PRDM10: variants seen among roughly 807,000 people sequenced by gnomAD.
PRDM10 encodes PR domain zinc finger protein 10.
Under a neutral mutation model 133.1 loss-of-function variants are expected in PRDM10, and 65 were observed. The ratio of observed to expected loss-of-function variants is 0.49; its 90% confidence interval spans 0.40 to 0.60. The LOEUF is 0.60. Among genes scored for constraint, PRDM10 ranks in the 20% least tolerant of loss-of-function variants. The probability of loss-of-function intolerance (pLI) is 0.00; values close to 1 mark genes in which losing one functional copy is unlikely to be tolerated. For missense variants in PRDM10, 1,137 were observed against 1,507.1 expected (o/e 0.75, Z 4.07); for synonymous variants, 582 against 580.4 (o/e 1.00, Z -0.04).
intron 2 of PRDM10, among the ~76,000 whole-genome samples, chr11:129,959,925 C>CTTTTTTTTTTT (rs112833018): frequency 7.2e-6 from 1 of 138,324 alleles, no homozygotes; most frequent in South Asian, 2.3e-4. Flanking sequence ...GCTAATTTTT[C>CTTTTTTTTTTT]TTTTTTTTTT....
rs144246631 is a variant in PRDM10, at chr11:129,996,337, C to T, written c.-119+6385G>A. 6.0e-3 allele frequency among the ~76,000 whole-genome samples: 916 copies of T among 152,264 alleles called. 14 individuals carry two copies. Among genetic ancestry groups the T allele is most frequent in the African/African-American group, 0.021 (854 of 41,560 alleles). On this transcript the variant is annotated intron_variant, in intron 1 of 20. Transcript: ENST00000360871. ...GTACAGGGGATGGCGAGCCACAGCC[C>T]GCAGGCGGCAGACACCTGTTTTTGT...
intron 20 of PRDM10, among the ~76,000 whole-genome samples, chr11:129,903,572 A>G (rs1479046020): frequency 6.6e-6 from 1 of 152,186 alleles, no homozygotes; most frequent in African/African-American, 2.4e-5. Flanking sequence ...ATTTTGTTAC[A>G]TTAACATTTT....
At chr11:129,970,646 G>A (rs1952000631) in intron 1 of PRDM10, among the ~76,000 whole-genome samples, 1 of 151,846 alleles carries the variant, frequency 6.6e-6, no homozygotes, top group Non-Finnish European at 1.5e-5. Flanking sequence ...TTGGGTTTAG[G>A]GGACTCTCCT....
At chr11:129,973,808 G>A (rs944949318) in intron 1 of PRDM10, among the ~76,000 whole-genome samples, 3 of 152,326 alleles carry the variant, frequency 2.0e-5, no homozygotes, top group Non-Finnish European at 2.9e-5. Flanking sequence ...CATCGATGAA[G>A]ACTCTTATGT....
Position 129,947,424 on chromosome 11 carries a change from TC to T in PRDM10, c.295-55del, listed in dbSNP as rs1308551944. On this transcript the variant is annotated intron_variant, in intron 4 of 20. Transcript: ENST00000360871. This position sits in a 1 kb window ranked among gnomAD's most constrained non-coding sequence, Gnocchi z 4.6. ...GCAGACATGGACACCTGCTTTTGGTTCGCTGGTGCCTGCTGGCACAAACAGG... is the reference window on the plus strand; with the variant it reads ...GCAGACATGGACACCTGCTTTTGGTTGCTGGTGCCTGCTGGCACAAACAGG... 1 of 1,605,550 alleles carries T rather than the reference TC, an allele frequency of 6.2e-7. No homozygotes were observed. The highest frequency in any genetic ancestry group is 8.5e-7 in the Non-Finnish European group (1 of 1,172,990).
intron 1 of PRDM10, among the ~76,000 whole-genome samples, chr11:130,000,872 T>C (rs560629771): frequency 3.9e-4 from 59 of 152,314 alleles, no homozygotes; most frequent in Non-Finnish European, 7.6e-4. Flanking sequence ...TTAGGGATGC[T>C]GCGGCGGTAG....
chr11:129,984,442 T>C (rs1938295297), intron 1 of PRDM10, among the ~76,000 whole-genome samples: 1 of 152,206 alleles, frequency 6.6e-6, no homozygotes, highest in East Asian at 1.9e-4. Flanking sequence ...ACTGAGACTC[T>C]GCAGCACACA....
At chr11:129,963,758 CAAA>C (rs1485728694) in intron 1 of PRDM10, among the ~76,000 whole-genome samples, 2 of 152,152 alleles carry the variant, frequency 1.3e-5, no homozygotes, top group African/African-American at 4.8e-5. Flanking sequence ...GTACTACTAT[CAAA>C]ATGAGGCTGT....
chr11:129,983,854 C>T (rs1031831655), intron 1 of PRDM10, among the ~76,000 whole-genome samples: 3 of 152,108 alleles, frequency 2.0e-5, no homozygotes, highest in African/African-American at 7.2e-5. Flanking sequence ...AATCAGATTC[C>T]GAAGTCCGCC....
chr11:129,936,156 T>G (rs2135834688), intron 8 of PRDM10, among the ~76,000 whole-genome samples: 1 of 152,274 alleles, frequency 6.6e-6, no homozygotes, highest in African/African-American at 2.4e-5. Flanking sequence ...CGGGTGAGCT[T>G]CTATGGTTGG....
In PRDM10 at chr11:129,924,877, C is replaced by T. The variant is rs1363757943; in HGVS notation, c.1878+5G>A. 6.3e-6 allele frequency: 10 copies of T among 1,586,716 alleles called. No homozygotes were observed. The highest frequency in any genetic ancestry group is 8.6e-6 in the Non-Finnish European group (10 of 1,167,504). On this transcript the variant is annotated splice_donor_5th_base_variant and intron_variant, in intron 12 of 20. Coordinates refer to ENST00000360871, the MANE Select transcript of PRDM10 (RefSeq NM_199437.2). Reference sequence around the variant, plus strand: ...CAGACAGGAATCTCAGTAGTAGACACTCACCTGGATAAAATCTGGGAACCG... The same window carrying T: ...CAGACAGGAATCTCAGTAGTAGACATTCACCTGGATAAAATCTGGGAACCG...
intron 1 of PRDM10, among the ~76,000 whole-genome samples, chr11:129,990,396 C>T (rs1938664920): frequency 6.6e-6 from 1 of 151,476 alleles, no homozygotes; most frequent in African/African-American, 2.4e-5. Flanking sequence ...GTGGCGCATG[C>T]CTGTAATCCC....
At chr11:129,960,853 C>G in intron 2 of PRDM10, 43 bp downstream of exon 2, 2 of 1,607,220 alleles carry the variant, frequency 1.2e-6, no homozygotes, top group Non-Finnish European at 1.7e-6. Flanking sequence ...CTGAGTCCAG[C>G]TGAAAACCTC....
Position 129,947,772 on chromosome 11 carries a change from A to T in PRDM10, c.295-402T>A. The T allele has an allele frequency of 8.0e-6, 3 of 377,178 alleles. No homozygotes were observed. The highest frequency in any genetic ancestry group is 7.9e-5 in the Admixed American group (2 of 25,194). 23.4% of individuals were successfully genotyped at this position (377,178 alleles called of 1,614,324 possible). On this transcript the variant is annotated intron_variant, in intron 4 of 20. Transcript: ENST00000360871. The surrounding 1 kb of genome is among the most constrained non-coding windows in gnomAD (Gnocchi z 4.6). ...ATTCAGCCGTTTCACACTGCTTGAGAGGCCTGCCCTGTCTCCCAAGACTTC... is the reference window on the plus strand; with the variant it reads ...ATTCAGCCGTTTCACACTGCTTGAGTGGCCTGCCCTGTCTCCCAAGACTTC...
chr11:129,948,440 G>A (rs1368642229), intron 4 of PRDM10, among the ~76,000 whole-genome samples: 2 of 152,052 alleles, frequency 1.3e-5, no homozygotes, highest in East Asian at 1.9e-4. Context: ...CCAGTGAACC[G>A]CCTTTGATGC....
At chr11:129,997,040 C>A (rs753366302) in intron 1 of PRDM10, among the ~76,000 whole-genome samples, 1 of 152,190 alleles carries the variant, frequency 6.6e-6, no homozygotes, top group Non-Finnish European at 1.5e-5. Context: ...GTGAATACTA[C>A]ACCATATAAA....
At chr11:129,993,193 G>C (rs1938843698) in intron 1 of PRDM10, among the ~76,000 whole-genome samples, 1 of 152,136 alleles carries the variant, frequency 6.6e-6, no homozygotes, top group South Asian at 2.1e-4. Context: ...TAACATGGTT[G>C]AACACCTTTT....
chr11:129,976,384 C>G (rs1834248112), intron 1 of PRDM10, among the ~76,000 whole-genome samples: 1 of 152,138 alleles, frequency 6.6e-6, no homozygotes, highest in South Asian at 2.1e-4. Flanking sequence ...GTACAGGACC[C>G]ATCAGAGGGA....
chr11:129,952,452 A>G (rs1160868263), intron 4 of PRDM10, among the ~76,000 whole-genome samples: 1 of 152,208 alleles, frequency 6.6e-6, no homozygotes, highest in Admixed American at 6.5e-5. Flanking sequence ...ATCAAATAGA[A>G]TAGTATTTTA....
Sources: allele counts gnomAD v4.1 joint callset (sites outside exome capture counted in the v4.1 genomes callset), GRCh38; gene constraint gnomAD v4.1.1; non-coding constraint Gnocchi (gnomAD v3.1); transcripts MANE v1.5; gene names NCBI Gene and HGNC (gene_info 2026-07-23, HGNC 2026-07-21).